P2RY14: variants seen among roughly 807,000 people sequenced by gnomAD.
P2RY14 encodes purinergic receptor P2Y14, also known as P2Y purinoceptor 14.
Under a neutral mutation model 0.9 loss-of-function variants are expected in P2RY14, and 2 were observed. That is an observed-to-expected ratio of 2.16 (90% CI 0.88 to 6.79). The LOEUF (loss-of-function observed/expected upper bound fraction) is 6.79, where lower values mean the gene tolerates loss of function less well. Ranked by LOEUF, P2RY14 falls within the 30% of genes most tolerant of loss-of-function variation. P2RY14 has a pLI of 0.05. For synonymous variants in P2RY14, 158 were observed against 147.2 expected (o/e 1.07, Z -0.53); for missense variants, 378 against 400.1 (o/e 0.94, Z 0.47).
At chr3:151,262,113 C>T (rs1739032638) in intron 1 of P2RY14, among the ~76,000 whole-genome samples, 2 of 152,132 alleles carry the variant, frequency 1.3e-5, no homozygotes, top group African/African-American at 4.8e-5. Context: ...GTTATGAATA[C>T]CTTTCAGAAT....
At chr3:151,269,397 T>TCATA (rs1553764472) in intron 1 of P2RY14, 6 of 144,512 alleles carry the variant, frequency 4.2e-5, no homozygotes, top group African/African-American at 1.8e-4. Flanking sequence ...TGAAACTCCA[T>TCATA]CACACACACA....
chr3:151,246,308 G>A (rs1421113165), intron 1 of P2RY14, among the ~76,000 whole-genome samples: 4 of 152,024 alleles, frequency 2.6e-5, no homozygotes, highest in African/African-American at 7.3e-5. Flanking sequence ...AGCCCGTATC[G>A]CCAAGTCAAT....
chr3:151,226,622 C>T (rs1337719857), intron 1 of P2RY14, among the ~76,000 whole-genome samples: 2 of 149,484 alleles, frequency 1.3e-5, no homozygotes, highest in Non-Finnish European at 1.5e-5. Context: ...GTTTTTTTTT[C>T]AAGAAAGGAA....
At position 151,267,374 on chromosome 3, in the gene P2RY14, A is replaced by T. The variant is rs1198271773; in HGVS notation, c.-133+10913T>A. Among the ~76,000 whole-genome samples, 3 of 152,206 alleles carry T rather than the reference A, an allele frequency of 2.0e-5. No individual in the cohort carries two copies. The East Asian group carries it at 5.8e-4, about 29-fold the overall frequency. Reference sequence around the variant, plus strand: ...ATAATGTAATCAAATTTAAGTAGCTAATCACAAATCCCCTTTTCTTTTTAG... The same window carrying T: ...ATAATGTAATCAAATTTAAGTAGCTTATCACAAATCCCCTTTTCTTTTTAG... On this transcript the variant is annotated intron_variant, in intron 1 of 2. Coordinates refer to ENST00000309170, the MANE Select transcript of P2RY14 (RefSeq NM_014879.4).
At chr3:151,254,025 T>G (rs1396682567) in intron 1 of P2RY14, among the ~76,000 whole-genome samples, 2 of 151,590 alleles carry the variant, frequency 1.3e-5, no homozygotes, top group African/African-American at 4.8e-5. Flanking sequence ...AATTTAAACT[T>G]TTAAGATTTA....
At chr3:151,235,861 G>A (rs553937516) in intron 1 of P2RY14, among the ~76,000 whole-genome samples, 1 of 152,066 alleles carries the variant, frequency 6.6e-6, no homozygotes, top group East Asian at 1.9e-4. Context: ...TCCTGTTCAT[G>A]GCATCTAACA....
chr3:151,253,785 C>T (rs747979817), intron 1 of P2RY14, among the ~76,000 whole-genome samples: 14 of 152,070 alleles, frequency 9.2e-5, no homozygotes, highest in Non-Finnish European at 1.8e-4. Context: ...CCAGGCTGTC[C>T]AGGATTACTT....
chr3:151,251,619 C>G (rs1577127774), intron 1 of P2RY14, among the ~76,000 whole-genome samples: 2 of 152,146 alleles, frequency 1.3e-5, no homozygotes, highest in East Asian at 3.9e-4. Context: ...GATTTGACAC[C>G]TCTTCTTCCA....
intron 1 of P2RY14, among the ~76,000 whole-genome samples, chr3:151,234,227 G>A (rs1732280661): frequency 6.6e-6 from 1 of 152,236 alleles, no homozygotes; most frequent in Non-Finnish European, 1.5e-5. Context: ...TATTTGCCTA[G>A]TGAAATTTTA....
intron 1 of P2RY14, among the ~76,000 whole-genome samples, chr3:151,259,793 T>A (rs920056956): frequency 1.3e-5 from 2 of 152,238 alleles, no homozygotes; most frequent in African/African-American, 2.4e-5. Context: ...TTTAGAGTCC[T>A]GGTTTATAGT....
At chr3:151,273,520 C>T (rs1209220379) in intron 1 of P2RY14, among the ~76,000 whole-genome samples, 4 of 150,854 alleles carry the variant, frequency 2.7e-5, no homozygotes, top group African/African-American at 9.8e-5. Context: ...GGATTACAGG[C>T]GTGAGCCACT....
In P2RY14 at chr3:151,212,171, C is replaced by T. The variant is rs1727278113; in HGVS notation, c.*1129G>A. 6.6e-6 allele frequency: 1 copy of T among 152,040 alleles called. No homozygotes were observed. The allele number at this position is 152,040 out of a possible 1,614,324, so 9.4% of individuals were successfully genotyped here. A position where few individuals can be genotyped will look rare whatever the true frequency, so the allele number is the denominator to read the frequency against. On this transcript the variant is annotated 3_prime_UTR_variant, in exon 3 of 3. Coordinates refer to ENST00000309170, the MANE Select transcript of P2RY14 (RefSeq NM_014879.4). ...TAGACAGTAAAGCATGAAATAGATA[C>T]AAACATTACTTATAAAAATGTTTTG...
At chr3:151,233,484 A>C (rs915216067) in intron 1 of P2RY14, among the ~76,000 whole-genome samples, 6 of 152,250 alleles carry the variant, frequency 3.9e-5, no homozygotes, top group Non-Finnish European at 8.8e-5. Flanking sequence ...CTGTAATCCC[A>C]ACACTTTGGG....
chr3:151,219,288 G>C (rs564459215), intron 2 of P2RY14, among the ~76,000 whole-genome samples: 9 of 152,284 alleles, frequency 5.9e-5, no homozygotes, highest in African/African-American at 1.9e-4. Context: ...TTGATACAAG[G>C]CTGTGCAAAG....
In P2RY14 at chr3:151,254,857, T is replaced by C. The variant is rs187061716; in HGVS notation, c.-133+23430A>G. Among the ~76,000 whole-genome samples the C allele has an allele frequency of 2.6e-4, 39 of 152,334 alleles. No individual in the cohort carries two copies. In the East Asian group the frequency reaches 6.6e-3, roughly 26 times the overall value. The stretch of plus-strand genomic sequence containing the variant: ...GTTGCAATTATTGCTGTCTTATAAA[T>C]GTCACATACATGATATATATACACA... On this transcript the variant is annotated intron_variant, in intron 1 of 2. Coordinates refer to ENST00000309170, the MANE Select transcript of P2RY14 (RefSeq NM_014879.4).
At chr3:151,278,161 G>A (rs1742208870) in intron 1 of P2RY14, 126 bp downstream of exon 1, 1 of 152,156 alleles carries the variant, frequency 6.6e-6, no homozygotes, top group Admixed American at 6.5e-5. Flanking sequence ...AACCTACTGA[G>A]AAAAATGTGA....
At chr3:151,229,726 A>G (rs528023279) in intron 1 of P2RY14, among the ~76,000 whole-genome samples, 30 of 152,140 alleles carry the variant, frequency 2.0e-4, no homozygotes, top group African/African-American at 7.0e-4. Flanking sequence ...CGGCCTCCCA[A>G]AGTGCTGGGA....
chr3:151,244,684 A>AC (rs1734972567), intron 1 of P2RY14, among the ~76,000 whole-genome samples: 1 of 151,088 alleles, frequency 6.6e-6, no homozygotes, highest in Admixed American at 6.6e-5. Context: ...CAAAATTGAC[A>AC]CCCTAACATC....
intron 1 of P2RY14, among the ~76,000 whole-genome samples, chr3:151,248,163 G>T (rs1387530362): frequency 9.9e-5 from 15 of 151,874 alleles, no homozygotes; most frequent in Admixed American, 8.5e-4. Flanking sequence ...TTATTTAAAT[G>T]TTTAACGCTC....
Sources: allele counts gnomAD v4.1 joint callset (sites outside exome capture counted in the v4.1 genomes callset), GRCh38; gene constraint gnomAD v4.1.1; transcripts MANE v1.5; gene names NCBI Gene and HGNC (gene_info 2026-07-23, HGNC 2026-07-21).